COL23A1: variants seen among roughly 807,000 people sequenced by gnomAD.
COL23A1 encodes collagen type XXIII alpha 1 chain, also known as collagen alpha-1(XXIII) chain.
In COL23A1, 97 loss-of-function variants were observed where a neutral mutation model predicts 99.3. The observed-to-expected ratio is 0.98, with a 90% CI of 0.83 to 1.16. COL23A1 has a LOEUF of 1.16. Among genes scored for constraint, COL23A1 ranks in the 50% most tolerant of loss-of-function variants. The pLI is 0.00. For synonymous variants in COL23A1, 320 were observed against 308.2 expected (o/e 1.04, Z -0.40); for missense variants, 762 against 757.4 (o/e 1.01, Z -0.07).
intron 2 of COL23A1, among the ~76,000 whole-genome samples, chr5:178,475,445 G>C (rs1756977316): frequency 2.0e-5 from 3 of 152,160 alleles, no homozygotes; most frequent in Admixed American, 6.5e-5. Flanking sequence ...CCCCGAGGCA[G>C]AGGTGCTGAG....
At chr5:178,409,470 C>T (rs1332018937) in intron 2 of COL23A1, among the ~76,000 whole-genome samples, 1 of 149,638 alleles carries the variant, frequency 6.7e-6, no homozygotes, top group Non-Finnish European at 1.5e-5. Flanking sequence ...TGTATAGTGA[C>T]TGTGGTGGTA....
rs1384765411 is a variant in COL23A1 at position 178,310,312 on chromosome 5, T to C, written c.362-3393A>G. On this transcript the variant is annotated intron_variant, in intron 2 of 28. Coordinates refer to ENST00000390654, the MANE Select transcript of COL23A1 (RefSeq NM_173465.4). This position sits in a 1 kb window ranked among gnomAD's most constrained non-coding sequence, Gnocchi z 4.3. ...GACGGCCTCTCCTGAGTCTCTGGAC[T>C]ATCAGGTGCCGAGAGCCCACCATGG... Among the ~76,000 whole-genome samples the C allele has an allele frequency of 6.6e-6, 1 of 152,118 alleles. No homozygotes were observed. Among genetic ancestry groups the C allele is most frequent in the Non-Finnish European group, 1.5e-5 (1 of 68,020 alleles).
intron 3 of COL23A1, among the ~76,000 whole-genome samples, chr5:178,301,009 T>A (rs1758004062): frequency 7.9e-6 from 1 of 126,248 alleles, no homozygotes; most frequent in Admixed American, 8.2e-5. Context: ...TTGGCCATTT[T>A]TTTCAAATAT....
At chr5:178,469,739 G>A (rs527840339) in intron 2 of COL23A1, among the ~76,000 whole-genome samples, 96 of 152,242 alleles carry the variant, frequency 6.3e-4, no homozygotes, top group African/African-American at 2.1e-3. Context: ...GACCCTCGCC[G>A]AGGGAAGCTG....
intron 2 of COL23A1, among the ~76,000 whole-genome samples, chr5:178,558,723 A>G (rs1019834856): frequency 1.5e-4 from 23 of 152,260 alleles, no homozygotes; most frequent in African/African-American, 5.5e-4. Flanking sequence ...GGCATTTTAC[A>G]CATTTTGCAG....
chr5:178,499,591 C>T (rs1243237028), intron 2 of COL23A1, among the ~76,000 whole-genome samples: 1 of 152,238 alleles, frequency 6.6e-6, no homozygotes, highest in Non-Finnish European at 1.5e-5. Flanking sequence ...GAATTTATCA[C>T]AGCTAAGAGG....
At chr5:178,528,579 C>T (rs549979760) in intron 2 of COL23A1, among the ~76,000 whole-genome samples, 3 of 152,270 alleles carry the variant, frequency 2.0e-5, no homozygotes, top group South Asian at 2.1e-4. Flanking sequence ...TTTGGGAGGC[C>T]GAGGCGGGTG....
chr5:178,532,808 G>C (rs1316550670), intron 2 of COL23A1, among the ~76,000 whole-genome samples: 4 of 152,206 alleles, frequency 2.6e-5, no homozygotes. Context: ...AGGTAGGAAA[G>C]ACAAGAGCAG....
At chr5:178,530,121 G>C (rs1760560492) in intron 2 of COL23A1, among the ~76,000 whole-genome samples, 1 of 152,290 alleles carries the variant, frequency 6.6e-6, no homozygotes, top group East Asian at 1.9e-4. Context: ...CAGATGCACA[G>C]CGGTTTTAAG....
In COL23A1 at chr5:178,238,660, C is replaced by G; in HGVS notation, c.*38G>C. 19 of 1,611,250 alleles carry G rather than the reference C, an allele frequency of 1.2e-5. No individual in the cohort carries two copies. Among genetic ancestry groups the G allele is most frequent in the Non-Finnish European group, 1.6e-5 (19 of 1,179,234 alleles). On this transcript the variant is annotated 3_prime_UTR_variant, in exon 29 of 29. Coordinates refer to ENST00000390654, the MANE Select transcript of COL23A1 (RefSeq NM_173465.4). ...TTGTTTTTACAAAAATTAAAAATGT[C>G]CACACGGATCTGTACAGGTGTGAGC...
In COL23A1 at chr5:178,306,073, G is replaced by C. The variant is rs1442747982; in HGVS notation, c.406+802C>G. ...AGCAGTGGGAGACTGTGGGAGAGAG[G>C]AGAGGAGACGACCAAGGGAGATTCA... On this transcript the variant is annotated intron_variant, in intron 3 of 28. Coordinates refer to ENST00000390654, the MANE Select transcript of COL23A1 (RefSeq NM_173465.4). The surrounding 1 kb of genome is among the most constrained non-coding windows in gnomAD (Gnocchi z 4.1). Among the ~76,000 whole-genome samples the C allele has an allele frequency of 6.6e-6, 1 of 152,116 alleles. No individual in the cohort carries two copies.
At chr5:178,372,015 C>G (rs997323001) in intron 2 of COL23A1, among the ~76,000 whole-genome samples, 8 of 152,230 alleles carry the variant, frequency 5.3e-5, no homozygotes, top group African/African-American at 1.7e-4. Context: ...TGCACAGTGA[C>G]AGCCGTGACC....
intron 2 of COL23A1, among the ~76,000 whole-genome samples, chr5:178,374,188 C>A (rs1370555517): frequency 1.3e-5 from 2 of 152,168 alleles, no homozygotes; most frequent in Non-Finnish European, 2.9e-5. Flanking sequence ...ATGGTGGCAG[C>A]AAGGGCATGG....
intron 3 of COL23A1, among the ~76,000 whole-genome samples, chr5:178,297,517 C>CA (rs912113268): frequency 5.9e-5 from 9 of 152,038 alleles, no homozygotes; most frequent in South Asian, 2.1e-4. Context: ...GACTCCGTCT[C>CA]AAAAAAACAA....
intron 1 of COL23A1, among the ~76,000 whole-genome samples, chr5:178,575,225 G>A (rs1763288558): frequency 6.6e-6 from 1 of 152,140 alleles, no homozygotes; most frequent in Admixed American, 6.5e-5. Flanking sequence ...ACTATCCTGG[G>A]AATGAAGTCA....
rs199874848 is a variant in COL23A1, at chr5:178,310,854, C to CT, written c.362-3936dup. On this transcript the variant is annotated intron_variant, in intron 2 of 28. Coordinates refer to ENST00000390654, the MANE Select transcript of COL23A1 (RefSeq NM_173465.4). The surrounding 1 kb of genome is among the most constrained non-coding windows in gnomAD (Gnocchi z 4.3). ...TTTTTGCTTGTTTCTTGTTTTTCTTCTTTCTACAAGCAGAAGAACCTTTCC... is the reference window on the plus strand; with the variant it reads ...TTTTTGCTTGTTTCTTGTTTTTCTTCTTTTCTACAAGCAGAAGAACCTTTCC... 6.4e-3 allele frequency among the ~76,000 whole-genome samples: 967 copies of CT among 152,118 alleles called. 4 individuals are homozygous for CT. The highest frequency in any genetic ancestry group is 0.014 in the Middle Eastern group (4 of 294).
chr5:178,358,401 GTATGTGTGTATGTGTA>G (rs1205596070), intron 2 of COL23A1, among the ~76,000 whole-genome samples: 59 of 121,008 alleles, frequency 4.9e-4, no homozygotes, highest in African/African-American at 1.5e-3. Flanking sequence ...ATGTGTATGT[GTATGTGTGTATGTGTA>G]TGTGTGTGTA....
intron 1 of COL23A1, among the ~76,000 whole-genome samples, chr5:178,569,312 T>C (rs919880357): frequency 1.3e-5 from 2 of 152,200 alleles, no homozygotes; most frequent in African/African-American, 4.8e-5. Context: ...TAATCAGATA[T>C]AGGATTTGTG....
At chr5:178,410,243 C>T (rs1007448623) in intron 2 of COL23A1, among the ~76,000 whole-genome samples, 3 of 152,218 alleles carry the variant, frequency 2.0e-5, no homozygotes, top group African/African-American at 4.8e-5. Flanking sequence ...TCCAACCTCA[C>T]ATTTTGTGTT....
Sources: gnomAD v4.1 joint callset for allele counts (sites outside exome capture counted in the v4.1 genomes callset) on GRCh38, gnomAD v4.1.1 for gene constraint, Gnocchi (gnomAD v3.1) non-coding constraint, MANE v1.5 for transcripts, NCBI Gene and HGNC (gene_info 2026-07-23, HGNC 2026-07-21) for gene names.